The following ALOX15B variants were observed in gnomAD, a reference collection of about 807,000 sequenced individuals.
ALOX15B encodes arachidonate 15-lipoxygenase type B, also known as polyunsaturated fatty acid lipoxygenase ALOX15B.
In ALOX15B, 74 loss-of-function variants were observed where a neutral mutation model predicts 73.8. That is an observed-to-expected ratio of 1.00 (90% CI 0.83 to 1.22). The LOEUF is 1.22. Among genes scored for constraint, ALOX15B ranks in the 50% most tolerant of loss-of-function variants. The pLI is 0.00. For synonymous variants in ALOX15B, 353 were observed against 357.2 expected (o/e 0.99, Z 0.13); for missense variants, 896 against 859.9 (o/e 1.04, Z -0.52).
Position 8,040,550 on chromosome 17 carries a change from GA to G in ALOX15B, c.449+578del, listed in dbSNP as rs57248868. 6.3e-3 allele frequency among the ~76,000 whole-genome samples: 514 copies of G among 81,814 alleles called. 5 individuals are homozygous for G. The highest frequency in any genetic ancestry group is 0.024 in the African/African-American group (440 of 18,048). The allele number at this position is 81,814 out of a possible 152,430, so 53.7% of individuals were successfully genotyped here. On this transcript the variant is annotated intron_variant, in intron 3 of 13. Coordinates refer to ENST00000380183, the MANE Select transcript of ALOX15B (RefSeq NM_001141.3). ...AGAGCAAAACTCCATCTCAAAAAAAGAAAAAAAAAAAGGAAGGAAGGAAAAG... is the reference window on the plus strand; with the variant it reads ...AGAGCAAAACTCCATCTCAAAAAAAGAAAAAAAAAAGGAAGGAAGGAAAAG...
Position 8,039,250 on chromosome 17 carries a change from A to C in ALOX15B, c.95A>C (p.Glu32Ala). The change falls in exon 1 of 14, where the codon GAG becomes GCG. Residue 32 changes from glutamate (E) to alanine (A), a missense_variant. By Grantham distance (107) the Glu-to-Ala change is moderately radical. Transcript: ENST00000380183. The part of the protein sequence containing the change: ...VSVSIVGTRG[E>A]SPPLPLDNLG... Reference sequence around the variant, plus strand: ...GTCAGCATCGTGGGGACCCGGGGAGAGAGCCCCCCACTGCCCCTGGACAAT... The same window carrying C: ...GTCAGCATCGTGGGGACCCGGGGAGCGAGCCCCCCACTGCCCCTGGACAAT... The C allele has an allele frequency of 6.2e-7, 1 of 1,602,260 alleles. No individual in the cohort carries two copies. The highest frequency in any genetic ancestry group is 8.5e-7 in the Non-Finnish European group (1 of 1,174,100).
At position 8,046,275 on chromosome 17, in the gene ALOX15B, T is replaced by C. The variant is rs571371630; in HGVS notation, c.1201-393T>C. Among the ~76,000 whole-genome samples, 3 of 152,326 alleles carry C rather than the reference T, an allele frequency of 2.0e-5. No homozygotes were observed. In the South Asian group the frequency reaches 6.2e-4, roughly 32 times the overall value. ...CTGGTTCTTTCTGACTATCTGCAGCTTCTGAGGCCTGGCGCTCAGAGGTGG... is the reference window on the plus strand; with the variant it reads ...CTGGTTCTTTCTGACTATCTGCAGCCTCTGAGGCCTGGCGCTCAGAGGTGG... On this transcript the variant is annotated intron_variant, in intron 8 of 13. Transcript: ENST00000380183.
intron 5 of ALOX15B, among the ~76,000 whole-genome samples, chr17:8,043,493 G>A (rs1976516413): frequency 6.6e-6 from 1 of 152,248 alleles, no homozygotes; most frequent in South Asian, 2.1e-4. Flanking sequence ...GGAGCAGGAA[G>A]GTGCACGGGG....
chr17:8,040,907 C>CTT, intron 3 of ALOX15B, among the ~76,000 whole-genome samples: 1 of 151,866 alleles, frequency 6.6e-6, no homozygotes, highest in Non-Finnish European at 1.5e-5. Flanking sequence ...GAGTTGGGGC[C>CTT]GCTAGTGAGG....
Position 8,045,002 on chromosome 17 carries a change from G to T in ALOX15B, c.849+1G>T. On this transcript the variant is annotated splice_donor_variant, in intron 6 of 13. Coordinates refer to ENST00000380183, the MANE Select transcript of ALOX15B (RefSeq NM_001141.3). LOFTEE classifies it high-confidence loss of function. ...GACCAGCTTGCAGGCTGAGCTAGAG[G>T]TGAGGGGTGCAGGGATCTTGGCTCT... 1.2e-6 allele frequency: 2 copies of T among 1,614,072 alleles called. No individual in the cohort carries two copies. Among genetic ancestry groups the T allele is most frequent in the Non-Finnish European group, 1.7e-6 (2 of 1,179,982 alleles).
chr17:8,048,123 G>C (rs529503094), intron 13 of ALOX15B, among the ~76,000 whole-genome samples: 8 of 152,220 alleles, frequency 5.3e-5, no homozygotes, highest in Non-Finnish European at 8.8e-5. Context: ...CAGTAGCAAG[G>C]GGAACGTGTA....
intron 3 of ALOX15B, among the ~76,000 whole-genome samples, chr17:8,040,529 C>G (rs1346881386): frequency 1.8e-5 from 2 of 108,364 alleles, no homozygotes; most frequent in African/African-American, 3.4e-5. Flanking sequence ...GGGGACAGAG[C>G]AAAACTCCAT....
rs375041979 is a variant in ALOX15B at position 8,045,602 on chromosome 17, G to T, written c.1116G>T (p.Thr372=). 2.5e-5 allele frequency: 41 copies of T among 1,614,010 alleles called. No individual in the cohort carries two copies. In the South Asian group the frequency reaches 3.1e-4, roughly 12 times the overall value. Residue 372 remains threonine, a synonymous_variant, in exon 8 of 14, where the codon ACG becomes ACT. Coordinates refer to ENST00000380183, the MANE Select transcript of ALOX15B (RefSeq NM_001141.3). ...AGTTCTCCTTCCATGAGGCCCTCAC[G>T]CACCTGCTGCACTCACATCTGCTGC... ...NAEFSFHEAL[T]HLLHSHLLPE...
rs1976680891 is a variant in ALOX15B, at chr17:8,048,646, C to T, written c.*81C>T. The T allele has an allele frequency of 1.3e-6, 2 of 1,497,344 alleles. No homozygotes were observed. The highest frequency in any genetic ancestry group is 1.8e-6 in the Non-Finnish European group (2 of 1,117,356). 92.8% of individuals were successfully genotyped at this position (1,497,344 alleles called of 1,614,324 possible). A position where few individuals can be genotyped will look rare whatever the true frequency, so the allele number is the denominator to read the frequency against. On this transcript the variant is annotated 3_prime_UTR_variant, in exon 14 of 14. Coordinates refer to ENST00000380183, the MANE Select transcript of ALOX15B (RefSeq NM_001141.3). ...AACTGGCACCCAGAGAAAAGGACTCCTCAGAAAAAACAGGCCCCCATGTGC... is the reference window on the plus strand; with the variant it reads ...AACTGGCACCCAGAGAAAAGGACTCTTCAGAAAAAACAGGCCCCCATGTGC...
intron 2 of ALOX15B, 47 bp downstream of exon 2, chr17:8,039,652 G>A (rs1246760995): frequency 2.3e-6 from 2 of 854,878 alleles, no homozygotes; most frequent in Non-Finnish European, 3.6e-6. Context: ...ACAGGAAGGG[G>A]TAGGGGACTG....
At chr17:8,044,369 C>T (rs1313920903) in intron 5 of ALOX15B, among the ~76,000 whole-genome samples, 1 of 150,190 alleles carries the variant, frequency 6.7e-6, no homozygotes, top group South Asian at 2.1e-4. Flanking sequence ...TTGCAGTGAG[C>T]CGAGGTCACG....
intron 5 of ALOX15B, 52 bp downstream of exon 5, chr17:8,042,936 T>G (rs1251880421): frequency 7.0e-7 from 1 of 1,432,318 alleles, no homozygotes; most frequent in Admixed American, 2.0e-5. Context: ...CATCAGCTCC[T>G]GTGGCTGCCC....
At position 8,048,456 on chromosome 17, in the gene ALOX15B, A is replaced by G. The variant is rs145203488; in HGVS notation, c.1922A>G (p.Gln641Arg). The change falls in exon 14 of 14, where the codon CAG becomes CGG. Residue 641 changes from glutamine (Q) to arginine (R), a missense_variant. Gln to Arg is a conservative substitution (Grantham distance 43). Transcript: ENST00000380183. Reference protein sequence around the residue: ...EAPRRSIATFQSRLAQISRGI... With the variant: ...EAPRRSIATFRSRLAQISRGI... ...CCTCGGCGGAGCATCGCCACCTTCC[A>G]GAGCCGCCTGGCCCAGATCTCGAGG... 5.8e-5 allele frequency: 94 copies of G among 1,613,982 alleles called. No individual in the cohort carries two copies. The highest frequency in any genetic ancestry group is 3.3e-4 in the Middle Eastern group (2 of 6,084).
At chr17:8,042,528 G>A (rs1438687710) in intron 4 of ALOX15B, 37 bp downstream of exon 4, 3 of 1,607,434 alleles carry the variant, frequency 1.9e-6, no homozygotes, top group East Asian at 2.2e-5. Context: ...CTGGGCCTCA[G>A]ATGCCCTATG....
At chr17:8,041,567 T>G (rs1241769141) in intron 3 of ALOX15B, among the ~76,000 whole-genome samples, 1 of 152,224 alleles carries the variant, frequency 6.6e-6, no homozygotes, top group African/African-American at 2.4e-5. Context: ...CTGGTGGCAG[T>G]GTACTTTAAT....
rs571440347 is a variant in ALOX15B at position 8,048,940 on chromosome 17, C to T, written c.*375C>T. On this transcript the variant is annotated 3_prime_UTR_variant, in exon 14 of 14. Transcript: ENST00000380183. The stretch of plus-strand genomic sequence containing the variant: ...GGCCCACTAGCATCCACTGATTGGA[C>T]CTTATGGTCACCCAACTCAAGGACA... 4.5e-4 allele frequency: 74 copies of T among 164,680 alleles called. No individual in the cohort carries two copies. The highest frequency in any genetic ancestry group is 8.0e-4 in the Non-Finnish European group (61 of 76,506). The allele number at this position is 164,680 out of a possible 1,614,324, so 10.2% of individuals were successfully genotyped here.
intron 3 of ALOX15B, among the ~76,000 whole-genome samples, chr17:8,041,929 C>T (rs957390239): frequency 6.6e-6 from 1 of 152,216 alleles, no homozygotes; most frequent in South Asian, 2.1e-4. Context: ...CTAACTCCAA[C>T]TAGCAGGCAG....
At chr17:8,040,652 A>AAAGAAAGAAAGAAAGG (rs200945787) in intron 3 of ALOX15B, among the ~76,000 whole-genome samples, 1 of 96,982 alleles carries the variant, frequency 1.0e-5, no homozygotes, top group Non-Finnish European at 2.4e-5. Context: ...AGAAAGAAAG[A>AAAGAAAGAAAGAAAGG]AAAGAAAGAG....
At chr17:8,040,362 G>A (rs1035731296) in intron 3 of ALOX15B, among the ~76,000 whole-genome samples, 6 of 151,794 alleles carry the variant, frequency 4.0e-5, no homozygotes, top group Non-Finnish European at 7.4e-5. Context: ...CTGGCCAACA[G>A]GGCGAAACCC....
Sources: allele counts gnomAD v4.1 joint callset (sites outside exome capture counted in the v4.1 genomes callset), GRCh38; gene constraint gnomAD v4.1.1; transcripts MANE v1.5; gene names NCBI Gene and HGNC (gene_info 2026-07-23, HGNC 2026-07-21).